The following EPHB1 variants were observed in gnomAD, a reference collection of about 807,000 sequenced individuals.
EPHB1 encodes the protein EPH receptor B1.
Under a neutral mutation model 94.4 loss-of-function variants are expected in EPHB1, and 30 were observed. The observed-to-expected ratio is 0.32, with a 90% CI of 0.24 to 0.43. The LOEUF is 0.43. EPHB1 is among the 20% of genes least tolerant of loss of function. EPHB1 has a pLI of 1.00. For synonymous variants in EPHB1, 522 were observed against 489.1 expected, an observed-to-expected ratio of 1.07 and a Z score of -0.89; for missense variants, 1,055 against 1,308.3, an observed-to-expected ratio of 0.81 and a Z score of 2.99.
intron 3 of EPHB1, among the ~76,000 whole-genome samples, chr3:134,975,969 A>G (rs536160762): frequency 1.4e-4 from 21 of 152,316 alleles, no homozygotes; most frequent in African/African-American, 4.8e-4. Context: ...ATAAGATGAT[A>G]TGTGGCTGAA....
At chr3:134,854,267 G>A (rs188815893) in intron 1 of EPHB1, among the ~76,000 whole-genome samples, 7 of 152,278 alleles carry the variant, frequency 4.6e-5, no homozygotes, top group Non-Finnish European at 8.8e-5. Flanking sequence ...CCTCTTGTGA[G>A]TGGAGGAATA....
intron 8 of EPHB1, among the ~76,000 whole-genome samples, 163 bp downstream of exon 8, chr3:135,166,239 G>A (rs963787185): frequency 6.6e-6 from 1 of 152,168 alleles, no homozygotes; most frequent in African/African-American, 2.4e-5. Context: ...TATTTATTTA[G>A]CTGGGAAAAA....
intron 3 of EPHB1, among the ~76,000 whole-genome samples, chr3:135,073,669 C>CT (rs1236122867): frequency 3.3e-5 from 5 of 151,572 alleles, no homozygotes; most frequent in East Asian, 3.9e-4. Flanking sequence ...GTCTTTCTCT[C>CT]TTTTTTTTTA....
chr3:134,939,813 G>A (rs900814677), intron 2 of EPHB1, among the ~76,000 whole-genome samples: 21 of 152,290 alleles, frequency 1.4e-4, no homozygotes, highest in African/African-American at 2.4e-4. Context: ...CCATCTCCCC[G>A]GATTGGGCAA....
chr3:134,860,154 C>CACACAG (rs1553858673), intron 1 of EPHB1, among the ~76,000 whole-genome samples: 29 of 73,998 alleles, frequency 3.9e-4, no homozygotes, highest in Admixed American at 3.8e-3. Flanking sequence ...GGAAGGGACA[C>CACACAG]ACACACACAC....
At chr3:134,959,281 G>A (rs769966620) in intron 3 of EPHB1, among the ~76,000 whole-genome samples, 1 of 152,088 alleles carries the variant, frequency 6.6e-6, no homozygotes, top group Non-Finnish European at 1.5e-5. Flanking sequence ...CTGAGAGACT[G>A]CCTCATTTAT....
chr3:135,233,505 C>A (rs1943580614), intron 12 of EPHB1, among the ~76,000 whole-genome samples: 1 of 152,256 alleles, frequency 6.6e-6, no homozygotes. Flanking sequence ...CTTCCACAGG[C>A]TGGCCTTGAG....
intron 3 of EPHB1, 122 bp downstream of exon 3, chr3:134,952,174 C>T (rs1323361006): frequency 5.8e-6 from 6 of 1,032,382 alleles, no homozygotes; most frequent in Admixed American, 2.5e-5. Flanking sequence ...TTATAAAGCT[C>T]TGAGGACTCC....
chr3:134,863,948 G>A (rs1033566780), intron 1 of EPHB1, among the ~76,000 whole-genome samples: 14 of 152,176 alleles, frequency 9.2e-5, no homozygotes, highest in African/African-American at 3.4e-4. Flanking sequence ...TTTTCATCAG[G>A]GAGGCTGGTG....
chr3:135,110,325 G>A (rs2107800724), intron 4 of EPHB1, among the ~76,000 whole-genome samples: 1 of 152,262 alleles, frequency 6.6e-6, no homozygotes, highest in Admixed American at 6.5e-5. Flanking sequence ...GAATGAAAAA[G>A]GGGTCATTGT....
chr3:135,026,800 T>G (rs1322818174), intron 3 of EPHB1, among the ~76,000 whole-genome samples: 3 of 144,772 alleles, frequency 2.1e-5, no homozygotes, highest in Non-Finnish European at 3.0e-5. Context: ...TAAATTACCT[T>G]GGGCAGTATG....
chr3:135,103,559 A>G (rs1429866680), intron 3 of EPHB1, among the ~76,000 whole-genome samples: 1 of 152,204 alleles, frequency 6.6e-6, no homozygotes, highest in African/African-American at 2.4e-5. Flanking sequence ...ATTTCTAATA[A>G]TCTGTGGGAG....
chr3:135,192,114 C>A (rs1445695342), intron 10 of EPHB1, among the ~76,000 whole-genome samples: 1 of 152,210 alleles, frequency 6.6e-6, no homozygotes, highest in Non-Finnish European at 1.5e-5. Context: ...AATGCTCTCC[C>A]AGCAGTGTAG....
At chr3:135,039,575 C>T (rs994410870) in intron 3 of EPHB1, among the ~76,000 whole-genome samples, 13 of 152,226 alleles carry the variant, frequency 8.5e-5, no homozygotes, top group Admixed American at 2.0e-4. Context: ...CCCTGCCCCG[C>T]GGGAAGGCAG....
intron 10 of EPHB1, among the ~76,000 whole-genome samples, chr3:135,182,615 G>A (rs1283411026): frequency 6.6e-6 from 1 of 152,234 alleles, no homozygotes; most frequent in Non-Finnish European, 1.5e-5. Flanking sequence ...GAGGGGCTGA[G>A]CATATCAGGA....
At chr3:134,799,723 T>C (rs530973525) in intron 1 of EPHB1, among the ~76,000 whole-genome samples, 1 of 152,316 alleles carries the variant, frequency 6.6e-6, no homozygotes, top group Non-Finnish European at 1.5e-5. Flanking sequence ...TATTGACTTG[T>C]GCAACCCAGA....
chr3:134,967,524 A>G (rs990847170), intron 3 of EPHB1, among the ~76,000 whole-genome samples: 1 of 152,094 alleles, frequency 6.6e-6, no homozygotes, highest in Non-Finnish European at 1.5e-5. Flanking sequence ...AGTGGATCTT[A>G]TAATAGTTAT....
intron 15 of EPHB1, among the ~76,000 whole-genome samples, chr3:135,258,260 T>C (rs1439173707): frequency 6.6e-6 from 1 of 152,214 alleles, no homozygotes; most frequent in African/African-American, 2.4e-5. Flanking sequence ...TTTATCATCA[T>C]TGTGTTTGCA....
At chr3:134,811,979 G>A (rs916977767) in intron 1 of EPHB1, among the ~76,000 whole-genome samples, 1 of 152,194 alleles carries the variant, frequency 6.6e-6, no homozygotes, top group Admixed American at 6.5e-5. Context: ...GAAGCCTTGG[G>A]CAGGAGTGAC....
Sources: allele counts gnomAD v4.1 joint callset (sites outside exome capture counted in the v4.1 genomes callset), GRCh38; gene constraint gnomAD v4.1.1; transcripts MANE v1.5; gene names NCBI Gene and HGNC (gene_info 2026-07-23, HGNC 2026-07-21).